SPEF2: variants seen among roughly 807,000 people sequenced by gnomAD.
SPEF2 encodes sperm flagella and cilia-associated protein 2.
In SPEF2, 187 loss-of-function variants were observed where a neutral mutation model predicts 224.6. The ratio of observed to expected loss-of-function variants is 0.83; its 90% confidence interval spans 0.74 to 0.94. The LOEUF (loss-of-function observed/expected upper bound fraction) is 0.94, where lower values mean the gene tolerates loss of function less well. SPEF2 is among the 40% of genes least tolerant of loss of function. The pLI, the probability that SPEF2 is intolerant of heterozygous loss-of-function variation, is 0.00. For missense variants in SPEF2, 2,170 were observed against 2,135.6 expected (o/e 1.02, Z -0.32); for synonymous variants, 715 against 707.3 (o/e 1.01, Z -0.17).
At chr5:35,630,812 A>G (rs919702575) in intron 2 of SPEF2, among the ~76,000 whole-genome samples, 1 of 152,250 alleles carries the variant, frequency 6.6e-6, no homozygotes, top group African/African-American at 2.4e-5. Flanking sequence ...CTTTTTGCTA[A>G]AGCATAGCAA....
rs1307224131 is a variant in SPEF2, at chr5:35,670,170, A to G, written c.1467A>G (p.Gln489=). The change falls in exon 10 of 37, where the codon CAA becomes CAG. Residue 489 remains glutamine (Q), a synonymous_variant. Transcript: ENST00000356031. ...KTLPANPSRE[Q]LTELEKRDLL... ...TACCTGCTAACCCCTCAAGAGAACAACTTACAGAACTGGAGAAAAGGGACT... is the reference window on the plus strand; with the variant it reads ...TACCTGCTAACCCCTCAAGAGAACAGCTTACAGAACTGGAGAAAAGGGACT... The G allele has an allele frequency of 9.3e-6, 15 of 1,612,192 alleles. No individual in the cohort carries two copies. The highest frequency in any genetic ancestry group is 1.6e-4 in the Middle Eastern group (1 of 6,076).
At chr5:35,797,796 G>T (rs995916687) in intron 33 of SPEF2, among the ~76,000 whole-genome samples, 2 of 152,166 alleles carry the variant, frequency 1.3e-5, no homozygotes, top group African/African-American at 4.8e-5. Flanking sequence ...AAATCGGAGA[G>T]AAATGGACAC....
At chr5:35,775,007 C>T (rs75466929) in intron 28 of SPEF2, among the ~76,000 whole-genome samples, 2,067 of 152,232 alleles carry the variant, frequency 0.014, 42 homozygotes, top group African/African-American at 0.048. Flanking sequence ...TAGCAAAATT[C>T]ATTTATGCAT....
At chr5:35,770,675 A>G (rs1309098810) in intron 26 of SPEF2, among the ~76,000 whole-genome samples, 1 of 152,128 alleles carries the variant, frequency 6.6e-6, no homozygotes, top group Non-Finnish European at 1.5e-5. Flanking sequence ...CTGTGTTGTC[A>G]TGGGACAAGG....
At chr5:35,740,338 A>C in intron 23 of SPEF2, 71 bp downstream of exon 23, 26 of 1,571,692 alleles carry the variant, frequency 1.7e-5, no homozygotes, top group South Asian at 2.3e-5. Context: ...ACCCCAACTC[A>C]TTTGCTCCTT....
rs780119689 is a variant in SPEF2 at position 35,694,289 on chromosome 5, A to T, written c.1901A>T (p.Asp634Val). The T allele has an allele frequency of 6.2e-7, 1 of 1,613,398 alleles. No homozygotes were observed. Among genetic ancestry groups the T allele is most frequent in the Non-Finnish European group, 8.5e-7 (1 of 1,179,588 alleles). Residue 634 changes from aspartate to valine, a missense_variant and splice_region_variant, in exon 13 of 37, where the codon GAT becomes GTT. Transcript: ENST00000356031. ...VLQEEIKESQDPQHVFSAGPV... is the reference protein window; with the variant it reads ...VLQEEIKESQVPQHVFSAGPV... ...CCTATGTGTGTTTTCTCTCCAAAGG[A>T]TCCACAACATGTATTTTCAGCTGGT...
At chr5:35,662,935 C>T (rs546177153) in intron 8 of SPEF2, among the ~76,000 whole-genome samples, 85 of 152,188 alleles carry the variant, frequency 5.6e-4, no homozygotes, top group Middle Eastern at 3.4e-3. Flanking sequence ...ATGGCACATT[C>T]TAAAAGTACT....
chr5:35,812,350 A>G lies in SPEF2; in HGVS notation c.5380-2114A>G, dbSNP rs561594568. Among the ~76,000 whole-genome samples the G allele has an allele frequency of 8.5e-5, 13 of 152,280 alleles. 1 individual carries two copies. In the South Asian group the frequency reaches 2.7e-3, roughly 32 times the overall value. ...AAGCCTCTGGTCCATACCTATGTGG[A>G]AGTTCCAGATTTTGCGTTGGACATT... On this transcript the variant is annotated intron_variant, in intron 36 of 36. Transcript: ENST00000356031.
intron 12 of SPEF2, 66 bp downstream of exon 12, chr5:35,692,790 T>A: frequency 6.7e-7 from 1 of 1,502,822 alleles, no homozygotes; most frequent in African/African-American, 1.4e-5. Context: ...GGATGGAATT[T>A]AAAAGGTCTT....
At chr5:35,801,855 G>T (rs1425320806) in intron 34 of SPEF2, among the ~76,000 whole-genome samples, 1 of 152,196 alleles carries the variant, frequency 6.6e-6, no homozygotes, top group African/African-American at 2.4e-5. Context: ...GTGGGGAGGA[G>T]GCATCTGTTT....
At chr5:35,640,552 T>C (rs1746484142) in intron 2 of SPEF2, among the ~76,000 whole-genome samples, 1 of 152,174 alleles carries the variant, frequency 6.6e-6, no homozygotes, top group Non-Finnish European at 1.5e-5. Flanking sequence ...GAGAAACAGA[T>C]TGCAAAACTG....
intron 26 of SPEF2, among the ~76,000 whole-genome samples, chr5:35,769,258 C>A (rs1007209338): frequency 6.6e-6 from 1 of 151,728 alleles, no homozygotes; most frequent in Admixed American, 6.6e-5. Flanking sequence ...TTGCAGGAAC[C>A]GATTAAAAAT....
chr5:35,795,098 G>A (rs1241536855), intron 32 of SPEF2, among the ~76,000 whole-genome samples: 1 of 152,134 alleles, frequency 6.6e-6, no homozygotes, highest in East Asian at 1.9e-4. Flanking sequence ...CATTAGGACA[G>A]TAAAATAGTA....
intron 15 of SPEF2, chr5:35,699,353 C>G (rs76017205): frequency 6.6e-6 from 1 of 152,150 alleles, no homozygotes; most frequent in Non-Finnish European, 1.5e-5. Flanking sequence ...AAAGTTTACG[C>G]CTTTCTCACC....
At chr5:35,707,228 G>T (rs1739959155) in intron 18 of SPEF2, among the ~76,000 whole-genome samples, 1 of 152,132 alleles carries the variant, frequency 6.6e-6, no homozygotes, top group African/African-American at 2.4e-5. Flanking sequence ...GGAAAAGCAG[G>T]TTACATATGA....
At chr5:35,725,399 T>C (rs954713757) in intron 20 of SPEF2, among the ~76,000 whole-genome samples, 2 of 152,096 alleles carry the variant, frequency 1.3e-5, no homozygotes, top group African/African-American at 4.8e-5. Context: ...AACAGAAAGG[T>C]AAAAATAATG....
At chr5:35,643,646 T>A (rs1043031696) in intron 3 of SPEF2, 2 of 429,434 alleles carry the variant, frequency 4.7e-6, no homozygotes, top group African/African-American at 4.1e-5. Flanking sequence ...GGTGATATCA[T>A]AGGAAAGAAG....
intron 23 of SPEF2, among the ~76,000 whole-genome samples, chr5:35,747,274 A>T (rs1157794609): frequency 6.6e-6 from 1 of 151,792 alleles, no homozygotes; most frequent in Non-Finnish European, 1.5e-5. Flanking sequence ...AGCCAAAACA[A>T]ACAAAAAAAA....
chr5:35,716,629 T>C, intron 20 of SPEF2, among the ~76,000 whole-genome samples: 1 of 152,310 alleles, frequency 6.6e-6, no homozygotes, highest in Non-Finnish European at 1.5e-5. Flanking sequence ...TTTACTATTA[T>C]ATTGCATTAA....
Sources: gnomAD v4.1 joint callset for allele counts (sites outside exome capture counted in the v4.1 genomes callset) on GRCh38, gnomAD v4.1.1 for gene constraint, MANE v1.5 for transcripts, NCBI Gene and HGNC (gene_info 2026-07-23, HGNC 2026-07-21) for gene names.